The following HCN2 variants were observed in gnomAD, a reference collection of about 807,000 sequenced individuals.
HCN2 encodes the protein potassium/sodium hyperpolarization-activated cyclic nucleotide-gated channel 2.
A neutral mutation model predicts 52.3 loss-of-function variants in HCN2; 20 were observed. That is an observed-to-expected ratio of 0.38 (90% CI 0.27 to 0.56). The LOEUF (loss-of-function observed/expected upper bound fraction) is 0.56. Among genes scored for constraint, HCN2 ranks in the 20% least tolerant of loss-of-function variants. The pLI, the probability that HCN2 is intolerant of heterozygous loss-of-function variation, is 0.71. For synonymous variants in HCN2, 694 were observed against 537.0 expected (o/e 1.29, Z -4.04); for missense variants, 981 against 1,207.7 (o/e 0.81, Z 2.78).
Position 592,112 on chromosome 19 carries a change from G to A in HCN2, c.632+1535G>A, listed in dbSNP as rs1211066171. Among the ~76,000 whole-genome samples, 5 of 152,360 alleles carry A rather than the reference G, an allele frequency of 3.3e-5. No individual in the cohort carries two copies. Among genetic ancestry groups the A allele is most frequent in the African/African-American group, 9.6e-5 (4 of 41,586 alleles). On this transcript the variant is annotated intron_variant, in intron 1 of 7. Transcript: ENST00000251287. This position sits in a 1 kb window ranked among gnomAD's most constrained non-coding sequence, Gnocchi z 4.8. Reference sequence around the variant, plus strand: ...GCGAAATGTGGACAGTGAGCGGGAAGGACTGGACTTCCAGGGCTGCTGGTC... The same window carrying A: ...GCGAAATGTGGACAGTGAGCGGGAAAGACTGGACTTCCAGGGCTGCTGGTC...
rs1982878901 is a variant in HCN2 at position 591,709 on chromosome 19, C to T, written c.632+1132C>T. On this transcript the variant is annotated intron_variant, in intron 1 of 7. Transcript: ENST00000251287. The surrounding 1 kb of genome is among the most constrained non-coding windows in gnomAD (Gnocchi z 4.1). ...CAGCGCGCCGGACCTGGGAAGCCTG[C>T]GGTTTTCCCGCCTGTCTCTCCTCCT... Among the ~76,000 whole-genome samples, 1 of 152,082 alleles carries T rather than the reference C, an allele frequency of 6.6e-6. No homozygotes were observed. The highest frequency in any genetic ancestry group is 2.4e-5 in the African/African-American group (1 of 41,444).
intron 7 of HCN2, 56 bp downstream of exon 7, chr19:614,072 C>CGGGTGCCCTGGCGGGGGAGGGGCGAGTA: frequency 7.5e-7 from 1 of 1,336,172 alleles, no homozygotes. Flanking sequence ...AGGGGCGTGG[C>CGGGTGCCCTGGCGGGGGAGGGGCGAGTA]CAAGGCATCA....
Position 617,029 on chromosome 19 carries a change from G to C in HCN2, c.*555G>C. The C allele has an allele frequency of 1.9e-6, 1 of 530,724 alleles. No homozygotes were observed. The highest frequency in any genetic ancestry group is 3.4e-6 in the Non-Finnish European group (1 of 291,204). The allele number at this position is 530,724 out of a possible 1,614,324, so 32.9% of individuals were successfully genotyped here. On this transcript the variant is annotated 3_prime_UTR_variant, in exon 8 of 8. Coordinates refer to ENST00000251287, the MANE Select transcript of HCN2 (RefSeq NM_001194.4). ...GGCCTGGCTGCGCAGGGCGCGGGGGGGAGGCTGGGGTCCCGCCGCCGTGAT... is the reference window on the plus strand; with the variant it reads ...GGCCTGGCTGCGCAGGGCGCGGGGGCGAGGCTGGGGTCCCGCCGCCGTGAT...
chr19:613,638 CGGGGATGGGGATGGGGAT>C (rs1291646632), intron 6 of HCN2, 150 bp downstream of exon 6: 2,175 of 37,528 alleles, frequency 0.058, 267 homozygotes, highest in East Asian at 0.17. Flanking sequence ...GGGATGGGGC[CGGGGATGGGGATGGGGAT>C]GGGGCCGGGG....
intron 1 of HCN2, among the ~76,000 whole-genome samples, chr19:600,804 C>G (rs1396705532): frequency 1.3e-5 from 2 of 152,188 alleles, no homozygotes; most frequent in African/African-American, 4.8e-5. Context: ...TATCAGTTTT[C>G]CAATTAGCCA....
chr19:610,704 C>A (rs1174300047), intron 5 of HCN2, among the ~76,000 whole-genome samples: 1 of 152,200 alleles, frequency 6.6e-6, no homozygotes. Context: ...CGCAGAGGCC[C>A]CGCTGAGCAC....
Position 616,326 on chromosome 19 carries a change from CCAG to C in HCN2, c.2527_2529del (p.Ser844del). 1 of 1,176,706 alleles carries C rather than the reference CCAG, an allele frequency of 8.5e-7. No homozygotes were observed. Among genetic ancestry groups the C allele is most frequent in the South Asian group, 2.2e-5 (1 of 44,730 alleles). 72.9% of individuals were successfully genotyped at this position (1,176,706 alleles called of 1,614,324 possible). A position where few individuals can be genotyped will look rare whatever the true frequency, so the allele number is the denominator to read the frequency against. On this transcript the variant is annotated inframe_deletion, in exon 8 of 8. Transcript: ENST00000251287. ...GGCCCCGCGGCCTCCACACGCCCGGCCAGCAGCTCCACACCGCGCTTGGGGCCC... is the reference window on the plus strand; with the variant it reads ...GGCCCCGCGGCCTCCACACGCCCGGCCAGCTCCACACCGCGCTTGGGGCCC...
At chr19:593,290 G>A (rs938273391) in intron 1 of HCN2, among the ~76,000 whole-genome samples, 2 of 152,168 alleles carry the variant, frequency 1.3e-5, no homozygotes, top group African/African-American at 4.8e-5. Flanking sequence ...TCCAGATTTC[G>A]GCTCTCAGGC....
intron 1 of HCN2, among the ~76,000 whole-genome samples, chr19:593,182 C>T (rs561279790): frequency 1.3e-5 from 2 of 152,344 alleles, no homozygotes; most frequent in East Asian, 3.9e-4. Flanking sequence ...CGGAAGTGGC[C>T]TCTTTCACGC....
chr19:603,113 A>G, intron 1 of HCN2, among the ~76,000 whole-genome samples: 2 of 139,426 alleles, frequency 1.4e-5, no homozygotes, highest in African/African-American at 5.3e-5. Flanking sequence ...TGCCTGGGGG[A>G]AGGCACCAGC....
At chr19:615,563 G>A (rs571461135) in intron 7 of HCN2, among the ~76,000 whole-genome samples, 1 of 152,286 alleles carries the variant, frequency 6.6e-6, no homozygotes, top group East Asian at 1.9e-4. Flanking sequence ...GGTGCTTCAT[G>A]CATGCTGGCT....
chr19:613,846 G>C lies in HCN2; in HGVS notation c.1826-6G>C, dbSNP rs757218942. 8 of 1,568,390 alleles carry C rather than the reference G, an allele frequency of 5.1e-6. No individual in the cohort carries two copies. The African/African-American group carries it at 8.5e-5, about 17-fold the overall frequency. On this transcript the variant is annotated splice_region_variant and splice_polypyrimidine_tract_variant and intron_variant, in intron 6 of 7. Transcript: ENST00000251287. ...CCAGCAACCCCCCCCTGCGCGCCAC[G>C]TGCAGAGATCTGCCTGCTCACCCGG...
intron 1 of HCN2, among the ~76,000 whole-genome samples, chr19:596,962 C>A (rs112907328): frequency 1.6e-3 from 250 of 152,292 alleles, no homozygotes; most frequent in Middle Eastern, 6.8e-3. Flanking sequence ...GCTCTGGGGT[C>A]CCCTCTGCCC....
At chr19:611,995 A>G (rs1983656326) in intron 5 of HCN2, among the ~76,000 whole-genome samples, 1 of 152,036 alleles carries the variant, frequency 6.6e-6, no homozygotes, top group African/African-American at 2.4e-5. Flanking sequence ...AAAATACAAA[A>G]TTAGCCGGGC....
intron 1 of HCN2, among the ~76,000 whole-genome samples, chr19:600,604 C>G (rs1983172482): frequency 6.6e-6 from 1 of 152,056 alleles, no homozygotes; most frequent in Admixed American, 6.5e-5. Context: ...CTTTGCCTCC[C>G]AGAGTGCTGG....
Position 589,931 on chromosome 19 carries a change from C to T in HCN2, c.-15C>T. On this transcript the variant is annotated 5_prime_UTR_variant, in exon 1 of 8. Transcript: ENST00000251287. The stretch of plus-strand genomic sequence containing the variant: ...GGCGGCGGCTCCGCTCCGCACTGCC[C>T]GGCGCCGCCTCGCCATGGACGCGCG... The T allele has an allele frequency of 4.3e-6, 4 of 931,442 alleles. No individual in the cohort carries two copies. In the African/African-American group the frequency reaches 5.9e-5, roughly 14 times the overall value. The allele number at this position is 931,442 out of a possible 1,614,324, so 57.7% of individuals were successfully genotyped here. A position where few individuals can be genotyped will look rare whatever the true frequency, so the allele number is the denominator to read the frequency against.
intron 1 of HCN2, among the ~76,000 whole-genome samples, chr19:602,979 CA>C (rs1568363667): frequency 5.9e-4 from 27 of 45,918 alleles, no homozygotes; most frequent in Non-Finnish European, 9.5e-4. Flanking sequence ...GAGCTGTGGG[CA>C]CCCTCGTCCC....
intron 6 of HCN2, 92 bp downstream of exon 6, chr19:613,580 G>GGGCCGGGGCCGGGGCCGA (rs1983744481): frequency 6.5e-6 from 1 of 154,104 alleles, no homozygotes; most frequent in African/African-American, 1.0e-4. Context: ...GCCGGGGCCG[G>GGGCCGGGGCCGGGGCCGA]GGATGGGGAT....
In HCN2 at chr19:590,305, G is replaced by A. The variant is rs868342063; in HGVS notation, c.360G>A (p.Gly120=). 2.5e-3 allele frequency: 2,513 copies of A among 1,006,400 alleles called. 42 individuals are homozygous for A. The African/African-American group carries it at 0.033, about 13-fold the overall frequency. The allele number at this position is 1,006,400 out of a possible 1,614,324, so 62.3% of individuals were successfully genotyped here. A position where few individuals can be genotyped will look rare whatever the true frequency, so the allele number is the denominator to read the frequency against. Residue 120 remains glycine, a synonymous_variant, in exon 1 of 8, where the codon GGG becomes GGA. Transcript: ENST00000251287. This position sits in a 1 kb window ranked among gnomAD's most constrained non-coding sequence, Gnocchi z 7.2. The stretch of plus-strand genomic sequence containing the variant: ...CGGGGCCCGAGGGCCCGGCGCGGGG[G>A]CCCAAGGTGTCGTTCTCGTGCCGCG... The part of the protein sequence containing the change: ...SPAGPEGPAR[G]PKVSFSCRGA...
Sources: gnomAD v4.1 joint callset for allele counts (sites outside exome capture counted in the v4.1 genomes callset) on GRCh38, gnomAD v4.1.1 for gene constraint, Gnocchi (gnomAD v3.1) non-coding constraint, MANE v1.5 for transcripts, NCBI Gene and HGNC (gene_info 2026-07-23, HGNC 2026-07-21) for gene names.